The following SESTD1 variants were observed in gnomAD, a reference collection of about 807,000 sequenced individuals.
The protein encoded by SESTD1 is SEC14 domain and spectrin repeat-containing protein 1.
A neutral mutation model predicts 101.7 loss-of-function variants in SESTD1; 43 were observed. The ratio of observed to expected loss-of-function variants is 0.42; its 90% CI spans 0.33 to 0.55. SESTD1 has a LOEUF of 0.55. Ranked by LOEUF, SESTD1 falls within the 20% of genes least tolerant of loss-of-function variation. SESTD1 has a pLI of 0.07. For missense variants in SESTD1, 647 were observed against 815.1 expected, an observed-to-expected ratio of 0.79 and a Z score of 2.51; for synonymous variants, 283 against 286.8, an observed-to-expected ratio of 0.99 and a Z score of 0.13.
At chr2:179,229,329 A>G (rs760623037) in intron 1 of SESTD1, among the ~76,000 whole-genome samples, 1 of 152,134 alleles carries the variant, frequency 6.6e-6, no homozygotes, top group Non-Finnish European at 1.5e-5. Context: ...AATTCTCTCT[A>G]TCTGCCTTAT....
At chr2:179,228,608 C>G (rs2046926755) in intron 1 of SESTD1, among the ~76,000 whole-genome samples, 1 of 152,126 alleles carries the variant, frequency 6.6e-6, no homozygotes, top group South Asian at 2.1e-4. Context: ...ACTAAGTAAC[C>G]TACTCTGGTT....
intron 1 of SESTD1, among the ~76,000 whole-genome samples, chr2:179,193,668 T>A (rs959235975): frequency 6.6e-6 from 1 of 152,220 alleles, no homozygotes; most frequent in Non-Finnish European, 1.5e-5. Flanking sequence ...TTCTACAAGG[T>A]AGGTACTATT....
chr2:179,136,470 G>A (rs1271290800), intron 9 of SESTD1, among the ~76,000 whole-genome samples: 1 of 152,068 alleles, frequency 6.6e-6, no homozygotes, highest in Non-Finnish European at 1.5e-5. Context: ...AGGAAACATA[G>A]GTAAACATTT....
At chr2:179,256,550 C>T (rs911284749) in intron 1 of SESTD1, among the ~76,000 whole-genome samples, 42 of 152,252 alleles carry the variant, frequency 2.8e-4, no homozygotes, top group South Asian at 1.0e-3. Context: ...CGGTGTCTTA[C>T]GCCTGTAATC....
At chr2:179,225,451 T>A (rs2046871739) in intron 1 of SESTD1, among the ~76,000 whole-genome samples, 1 of 152,166 alleles carries the variant, frequency 6.6e-6, no homozygotes, top group South Asian at 2.1e-4. Flanking sequence ...TTATATTTTT[T>A]AAAAAGAGAT....
Position 179,143,621 on chromosome 2 carries a change from A to C in SESTD1, c.820T>G (p.Leu274Val). ...VCRQRSKRTQLEEIQQKVMQV... is the reference protein window; with the variant it reads ...VCRQRSKRTQVEEIQQKVMQV... The stretch of plus-strand genomic sequence containing the variant: ...ATTACCTTCTGTTGAATCTCTTCTA[A>C]CTGTGTGCGCTTGCTACGTTGCCTA... The change falls in exon 9 of 18, where the codon TTA becomes GTA. Residue 274 changes from leucine (L) to valine (V), a missense_variant. By Grantham distance (32) the Leu-to-Val change is conservative. Around this residue, in one of 3 missense-constraint regions of SESTD1, gnomAD observed 476 missense variants for 562.6 expected, o/e 0.85. Transcript: ENST00000428443. 1.2e-6 allele frequency: 2 copies of C among 1,613,876 alleles called. No individual in the cohort carries two copies. Among genetic ancestry groups the C allele is most frequent in the South Asian group, 2.2e-5 (2 of 91,060 alleles).
intron 4 of SESTD1, among the ~76,000 whole-genome samples, chr2:179,174,828 A>T (rs1219856748): frequency 1.3e-5 from 2 of 152,178 alleles, no homozygotes; most frequent in East Asian, 3.9e-4. Flanking sequence ...GCTCGCCTCC[A>T]GTCCCAACTA....
At chr2:179,150,324 G>C (rs2045490325) in intron 6 of SESTD1, among the ~76,000 whole-genome samples, 1 of 151,744 alleles carries the variant, frequency 6.6e-6, no homozygotes, top group Non-Finnish European at 1.5e-5. Context: ...GAGTTAATCT[G>C]ACGTTTGTTC....
chr2:179,148,762 C>T (rs1209923330), intron 7 of SESTD1, among the ~76,000 whole-genome samples: 1 of 152,002 alleles, frequency 6.6e-6, no homozygotes, highest in Non-Finnish European at 1.5e-5. Context: ...AAATACATTA[C>T]TATTAATTTA....
rs2305170 is a variant in SESTD1, at chr2:179,110,034, A to T, written c.1962-6T>A. 4 of 1,613,212 alleles carry T rather than the reference A, an allele frequency of 2.5e-6. No individual in the cohort carries two copies. Among genetic ancestry groups the T allele is most frequent in the African/African-American group, 1.3e-5 (1 of 74,996 alleles). ...TCCCAAAATATTGTTCGGTTCTAAA[A>T]ATCAAAACACACAGAAAAACCTCAG... is the stretch of plus-strand genomic sequence containing the variant. On this transcript the variant is annotated splice_region_variant and splice_polypyrimidine_tract_variant and intron_variant, in intron 17 of 17. Coordinates refer to ENST00000428443, the MANE Select transcript of SESTD1 (RefSeq NM_178123.5).
intron 1 of SESTD1, among the ~76,000 whole-genome samples, chr2:179,209,393 C>T (rs1574037550): frequency 7.4e-6 from 1 of 134,690 alleles, no homozygotes; most frequent in Non-Finnish European, 1.6e-5. Context: ...ATTTACAGAA[C>T]ATTCTACCCA....
At chr2:179,204,704 GCTAAGGCACCAGCACTTTTTC>G (rs2046568101) in intron 1 of SESTD1, among the ~76,000 whole-genome samples, 2 of 135,086 alleles carry the variant, frequency 1.5e-5, no homozygotes, top group South Asian at 5.6e-4. Flanking sequence ...CTTGATTCAT[GCTAAGGCACCAGCACTTTTTC>G]CCACCAATGC....
In SESTD1 at chr2:179,143,809, C is replaced by T; in HGVS notation, c.638-6G>A. ...TTCGGACAACAATTCATGCCCTTTA[C>T]AAATAAAAGATACTTGAAATTAATA... On this transcript the variant is annotated splice_region_variant and splice_polypyrimidine_tract_variant and intron_variant, in intron 8 of 17. Coordinates refer to ENST00000428443, the MANE Select transcript of SESTD1 (RefSeq NM_178123.5). 3 of 1,610,184 alleles carry T rather than the reference C, an allele frequency of 1.9e-6. No individual in the cohort carries two copies. Among genetic ancestry groups the T allele is most frequent in the Non-Finnish European group, 2.5e-6 (3 of 1,179,048 alleles).
chr2:179,249,574 G>C (rs923863611), intron 1 of SESTD1, among the ~76,000 whole-genome samples: 1 of 152,028 alleles, frequency 6.6e-6, no homozygotes, highest in Non-Finnish European at 1.5e-5. Flanking sequence ...CTATAGAAAC[G>C]TGTCAATTCT....
intron 1 of SESTD1, among the ~76,000 whole-genome samples, chr2:179,229,749 T>A (rs1012123837): frequency 3.7e-4 from 39 of 106,328 alleles, no homozygotes; most frequent in Middle Eastern, 4.9e-3. Flanking sequence ...TTGTAAGAAC[T>A]TATATATATA....
intron 9 of SESTD1, among the ~76,000 whole-genome samples, chr2:179,139,186 G>A (rs1261813746): frequency 6.6e-6 from 1 of 151,884 alleles, no homozygotes. Flanking sequence ...TTCACTCTTC[G>A]ATTCCCCACA....
chr2:179,263,416 C>G (rs1301915333), intron 1 of SESTD1, among the ~76,000 whole-genome samples: 5 of 152,010 alleles, frequency 3.3e-5, no homozygotes, highest in Non-Finnish European at 5.9e-5. Context: ...ATTTAGCCAG[C>G]CAAAACAGAA....
At chr2:179,199,090 C>A (rs941877921) in intron 1 of SESTD1, among the ~76,000 whole-genome samples, 1 of 152,006 alleles carries the variant, frequency 6.6e-6, no homozygotes, top group Non-Finnish European at 1.5e-5. Flanking sequence ...AGAGAAGAAT[C>A]AAATAGACGC....
intron 6 of SESTD1, among the ~76,000 whole-genome samples, chr2:179,150,432 T>C (rs2045494310): frequency 6.6e-6 from 1 of 151,724 alleles, no homozygotes; most frequent in Non-Finnish European, 1.5e-5. Context: ...CAAATGAAAA[T>C]GCTTAATCTG....
Sources: allele counts gnomAD v4.1 joint callset (sites outside exome capture counted in the v4.1 genomes callset), GRCh38; gene constraint gnomAD v4.1.1; regional missense constraint gnomAD v4.1.1; transcripts MANE v1.5; gene names NCBI Gene and HGNC (gene_info 2026-07-23, HGNC 2026-07-21).